Variants in MID1 observed in about 807,000 individuals in gnomAD.
The protein encoded by MID1 is E3 ubiquitin-protein ligase Midline-1.
A neutral mutation model predicts 40.4 loss-of-function variants in MID1; 7 were observed. The ratio of observed to expected loss-of-function variants is 0.17; its 90% CI spans 0.10 to 0.33. MID1 has a LOEUF of 0.33. MID1 is among the 10% of genes least tolerant of loss of function. The pLI, the probability that MID1 is intolerant of heterozygous loss-of-function variation, is 1.00. For missense variants in MID1, 367 were observed against 558.5 expected, an observed-to-expected ratio of 0.66 and a Z score of 3.46; for synonymous variants, 229 against 221.2, an observed-to-expected ratio of 1.04 and a Z score of -0.31.
At chrX:10,468,736 T>C (rs1161699691) in intron 7 of MID1, among the ~76,000 whole-genome samples, 1 of 111,634 alleles carries the variant, frequency 9.0e-6, no homozygotes, top group African/African-American at 3.3e-5. Flanking sequence ...AGATATCAAA[T>C]AGGCCTCAGT....
intron 1 of MID1, among the ~76,000 whole-genome samples, chrX:10,600,749 G>A (rs765263055): frequency 9.8e-5 from 11 of 111,932 alleles, no homozygotes; most frequent in Non-Finnish European, 1.9e-4. Flanking sequence ...TTCTCTTTCT[G>A]TAAATTACTT....
At chrX:10,487,724 G>T (rs1002201570) in intron 4 of MID1, among the ~76,000 whole-genome samples, 1 of 111,161 alleles carries the variant, frequency 9.0e-6, no homozygotes, top group African/African-American at 3.3e-5. Context: ...GCCGTTTCTC[G>T]AATTTCATAT....
intron 2 of MID1, among the ~76,000 whole-genome samples, chrX:10,544,343 A>C (rs1231673471): frequency 8.9e-6 from 1 of 111,844 alleles, no homozygotes; most frequent in Non-Finnish European, 1.9e-5. Context: ...GGGAGAAAAA[A>C]AAAAGTGAAA....
chrX:10,594,925 CAT>C (rs113195491), intron 1 of MID1, among the ~76,000 whole-genome samples: 2,212 of 111,959 alleles, frequency 0.02, 58 homozygotes, highest in African/African-American at 0.068. Flanking sequence ...AAATGGTTGA[CAT>C]GTGATGCAAT....
At chrX:10,497,591 T>C (rs1931322360) in intron 3 of MID1, among the ~76,000 whole-genome samples, 1 of 111,955 alleles carries the variant, frequency 8.9e-6, no homozygotes, top group South Asian at 3.8e-4. Context: ...CCCTGCTCCT[T>C]GGCTGTAAAT....
At chrX:10,525,506 A>G (rs1932813483) in intron 2 of MID1, among the ~76,000 whole-genome samples, 1 of 112,275 alleles carries the variant, frequency 8.9e-6, no homozygotes, top group Non-Finnish European at 1.9e-5. Context: ...CTTGTTGACT[A>G]TTTCTCAAGG....
chrX:10,640,080 A>G (rs1377574892), intron 1 of MID1, among the ~76,000 whole-genome samples: 1 of 112,107 alleles, frequency 8.9e-6, no homozygotes, highest in Non-Finnish European at 1.9e-5. Context: ...TGTAAAGACC[A>G]TCAGTGCTAG....
chrX:10,746,989 G>A (rs1171148277), intron 1 of MID1, among the ~76,000 whole-genome samples: 1 of 110,526 alleles, frequency 9.0e-6, no homozygotes, highest in African/African-American at 3.3e-5. Context: ...AAAATAGCGT[G>A]AGTTGCTATG....
chrX:10,468,675 C>A (rs1929521477), intron 7 of MID1, among the ~76,000 whole-genome samples: 1 of 111,659 alleles, frequency 9.0e-6, no homozygotes, highest in African/African-American at 3.3e-5. Flanking sequence ...GTTATCATCT[C>A]TGTGGCCTGC....
chrX:10,758,483 CTTTTTTT>C (rs1157401550), intron 1 of MID1, among the ~76,000 whole-genome samples: 6 of 63,875 alleles, frequency 9.4e-5, no homozygotes, highest in East Asian at 5.0e-4. Flanking sequence ...CTTTTCTTTC[CTTTTTTT>C]TTTTTTTTTT....
intron 4 of MID1, among the ~76,000 whole-genome samples, chrX:10,487,011 G>A (rs1241857574): frequency 1.8e-5 from 2 of 111,222 alleles, no homozygotes; most frequent in African/African-American, 6.6e-5. Flanking sequence ...CACTACACCC[G>A]GCTAATTTTT....
intron 1 of MID1, among the ~76,000 whole-genome samples, chrX:10,737,247 T>C (rs1174402116): frequency 1.8e-5 from 2 of 112,600 alleles, no homozygotes; most frequent in African/African-American, 6.4e-5. Context: ...TTTGACAAAT[T>C]TTCTCAATTC....
chrX:10,588,058 A>G (rs1238096066), intron 1 of MID1, among the ~76,000 whole-genome samples: 1 of 112,277 alleles, frequency 8.9e-6, no homozygotes, highest in African/African-American at 3.2e-5. Context: ...TCCAGTTCAC[A>G]GAAAAACTGG....
intron 1 of MID1, among the ~76,000 whole-genome samples, chrX:10,765,892 GAAAAGAAAGAAAGA>G (rs1168397409): frequency 1.3e-5 from 1 of 78,179 alleles, no homozygotes; most frequent in Non-Finnish European, 2.6e-5. Flanking sequence ...AAGAAAGAAA[GAAAAGAAAGAAAGA>G]AAAAGAAAGA....
chrX:10,661,068 C>T (rs1350086307), intron 1 of MID1, among the ~76,000 whole-genome samples: 2 of 111,324 alleles, frequency 1.8e-5, no homozygotes, highest in Admixed American at 1.9e-4. Context: ...AAATTATACC[C>T]TTTAATAATA....
intron 1 of MID1, among the ~76,000 whole-genome samples, chrX:10,573,489 C>T (rs765523206): frequency 2.7e-5 from 3 of 112,088 alleles, no homozygotes; most frequent in South Asian, 7.5e-4. Context: ...GGGCATCAAG[C>T]GATTTGTGAA....
At chrX:10,704,735 T>TACACACACACACAC (rs1449236211) in intron 1 of MID1, among the ~76,000 whole-genome samples, 1 of 84,906 alleles carries the variant, frequency 1.2e-5, no homozygotes, top group African/African-American at 5.6e-5. Context: ...TATATATATA[T>TACACACACACACAC]ATATACACAC....
At position 10,668,058 on chromosome X, in the gene MID1, T is replaced by A. The variant is rs12010306; in HGVS notation, c.-186-47639A>T. On this transcript the variant is annotated intron_variant, in intron 1 of 10. Transcript: ENST00000380785. ...AGCTTGAGCTCTAGAATTCACTGAA[T>A]ACGCATCTTGGGACAGAAACTTCTT... is the stretch of plus-strand genomic sequence containing the variant. Among the ~76,000 whole-genome samples the A allele has an allele frequency of 3.2e-3, 362 of 111,998 alleles. 2 individuals carry two copies. The highest frequency in any genetic ancestry group is 0.011 in the African/African-American group (346 of 30,850).
intron 2 of MID1, among the ~76,000 whole-genome samples, chrX:10,524,459 T>C (rs914606905): frequency 2.7e-4 from 30 of 112,219 alleles, no homozygotes; most frequent in Admixed American, 2.8e-4. Flanking sequence ...TGAATTTGTG[T>C]TGGGCTGCAT....
Sources: gnomAD v4.1 joint callset for allele counts (sites outside exome capture counted in the v4.1 genomes callset) on GRCh38, gnomAD v4.1.1 for gene constraint, MANE v1.5 for transcripts, NCBI Gene and HGNC (gene_info 2026-07-23, HGNC 2026-07-21) for gene names.